The following NOTCH4 variants were observed in gnomAD, a reference collection of about 807,000 sequenced individuals.
The protein encoded by NOTCH4 is notch receptor 4, also known as neurogenic locus notch homolog protein 4.
In NOTCH4, 138 loss-of-function variants were observed where a neutral mutation model predicts 189.0. That is an observed-to-expected ratio of 0.73 (90% confidence interval 0.64 to 0.84). The LOEUF is 0.84. Ranked by LOEUF, NOTCH4 falls within the 40% of genes least tolerant of loss-of-function variation. The pLI, the probability that NOTCH4 is intolerant of heterozygous loss-of-function variation, is 0.00. For missense variants in NOTCH4, 2,286 were observed against 2,605.4 expected (o/e 0.88, Z 2.67); for synonymous variants, 942 against 1,032.8 (o/e 0.91, Z 1.69).
At chr6:32,214,081 G>A (rs1322598914) in intron 13 of NOTCH4, 29 bp downstream of exon 13, 1 of 1,591,582 alleles carries the variant, frequency 6.3e-7, no homozygotes, top group African/African-American at 1.4e-5. Context: ...GACCAGCACA[G>A]GGTGTATATG....
rs1561914444 is a variant in NOTCH4 at position 32,198,504 on chromosome 6, C to T, written c.4673G>A (p.Cys1558Tyr). Residue 1558 changes from cysteine to tyrosine, a missense_variant, in exon 26 of 30, where the codon TGT (cysteine) becomes TAT (tyrosine). Coordinates refer to ENST00000375023, the MANE Select transcript of NOTCH4 (RefSeq NM_004557.4). The surrounding 1 kb of genome is among the most constrained non-coding windows in gnomAD (Gnocchi z 5.5). The stretch of plus-strand genomic sequence containing the variant: ...CATGGCTGCCTGAGGGAGCGCCCCA[C>T]AGCCACCACTCAGAGACCAGAGCTG... ...TCQLWSLSGG[C>Y]GALPQAAMLT... The T allele has an allele frequency of 6.2e-7, 1 of 1,612,872 alleles. No homozygotes were observed. Among genetic ancestry groups the T allele is most frequent in the Non-Finnish European group, 8.5e-7 (1 of 1,180,014 alleles).
intron 18 of NOTCH4, among the ~76,000 whole-genome samples, chr6:32,207,119 G>T (rs1378757528): frequency 2.0e-5 from 3 of 150,892 alleles, no homozygotes; most frequent in African/African-American, 7.3e-5. Context: ...TAGTAGAGAC[G>T]GGGGTTTCAC....
Position 32,222,752 on chromosome 6 carries a change from G to T in NOTCH4, c.210C>A (p.Asn70Lys). The change falls in exon 3 of 30, where the codon AAC becomes AAA. Residue 70 changes from asparagine to lysine, a missense_variant. Around this residue, in one of 2 missense-constraint regions of NOTCH4, gnomAD observed 1,903 missense variants for 2,261.9 expected, o/e 0.84. Transcript: ENST00000375023. ...ETCQFPDPCQ[N>K]AQLCQNGGSC... ...TGCCTCCATTTTGGCAGAGCTGGGC[G>T]TTCTGGCAGGGGTCAGGAAACTGGC... 2.5e-6 allele frequency: 4 copies of T among 1,612,484 alleles called. No homozygotes were observed. Among genetic ancestry groups the T allele is most frequent in the South Asian group, 1.1e-5 (1 of 90,948 alleles).
At chr6:32,219,178 A>G (rs1433642299) in intron 8 of NOTCH4, among the ~76,000 whole-genome samples, 1 of 151,764 alleles carries the variant, frequency 6.6e-6, no homozygotes, top group Non-Finnish European at 1.5e-5. Flanking sequence ...GGCTTTTGGG[A>G]TTTTAAGGGA....
chr6:32,213,871 GT>G, intron 13 of NOTCH4, 31 bp from the exon 14 acceptor site: 3 of 1,608,922 alleles, frequency 1.9e-6, no homozygotes, highest in Non-Finnish European at 2.5e-6. Context: ...CTGAGAAAGG[GT>G]GTCCTCCTTC....
intron 19 of NOTCH4, 69 bp from the exon 20 acceptor site, chr6:32,203,951 G>A (rs1046940617): frequency 1.4e-6 from 2 of 1,477,712 alleles, no homozygotes; most frequent in Admixed American, 4.0e-5. Context: ...GCTCATTCCT[G>A]GATGTTGGCC....
intron 11 of NOTCH4, 40 bp downstream of exon 11, chr6:32,216,905 A>C: frequency 6.2e-7 from 1 of 1,612,392 alleles, no homozygotes; most frequent in Non-Finnish European, 8.5e-7. Context: ...AAATGGAATA[A>C]AATATTCTGC....
chr6:32,213,696 C>T lies in NOTCH4; in HGVS notation c.2312G>A (p.Cys771Tyr), dbSNP rs1372906994. The change falls in exon 14 of 30, where the codon TGT (cysteine) becomes TAT (tyrosine). Residue 771 changes from cysteine to tyrosine, a missense_variant. This residue lies in a region of NOTCH4 where 1,903 missense variants were observed against 2,261.9 expected (regional missense o/e 0.84). Coordinates refer to ENST00000375023, the MANE Select transcript of NOTCH4 (RefSeq NM_004557.4). ...ACACAGTGGGCACTCACCAGACACA[C>T]AGTAGTCAGTGCTGGTTTGGCACTG... ...GPQCQTSTDYCVSAPCFNGGT... is the reference protein window; with the variant it reads ...GPQCQTSTDYYVSAPCFNGGT... 2.5e-6 allele frequency: 4 copies of T among 1,612,778 alleles called. No individual in the cohort carries two copies. The East Asian group carries it at 6.7e-5, about 27-fold the overall frequency.
In NOTCH4 at chr6:32,199,032, C is replaced by T. The variant is rs1209416610; in HGVS notation, c.4429G>A (p.Glu1477Lys). The T allele has an allele frequency of 2.5e-6, 4 of 1,612,768 alleles. No individual in the cohort carries two copies. The highest frequency in any genetic ancestry group is 3.4e-6 in the Non-Finnish European group (4 of 1,179,954). The change falls in exon 24 of 30, where the codon GAG (glutamate) becomes AAG (lysine). Residue 1477 changes from glutamate to lysine, a missense_variant. Physicochemically the swap from Glu to Lys is moderately conservative, Grantham distance 56. Around this residue, in one of 2 missense-constraint regions of NOTCH4, gnomAD observed 1,903 missense variants for 2,261.9 expected, o/e 0.84. Coordinates refer to ENST00000375023, the MANE Select transcript of NOTCH4 (RefSeq NM_004557.4). The surrounding 1 kb of genome is among the most constrained non-coding windows in gnomAD (Gnocchi z 4.9). Reference protein sequence around the residue: ...VLQLIRRRRREHGALWLPPGF... With the variant: ...VLQLIRRRRRKHGALWLPPGF... ...GGGGGCAGCCAGAGAGCTCCATGCT[C>T]TCGGCGTCGACGCCGGATGAGCTGG...
At chr6:32,219,273 G>T (rs964054895) in intron 8 of NOTCH4, among the ~76,000 whole-genome samples, 5 of 152,196 alleles carry the variant, frequency 3.3e-5, no homozygotes, top group African/African-American at 1.2e-4. Flanking sequence ...AGCACAGAAA[G>T]TTTATGAACT....
chr6:32,202,616 A>C lies in NOTCH4; in HGVS notation c.3232-17T>G, dbSNP rs180989399. The C allele has an allele frequency of 6.4e-7, 1 of 1,552,696 alleles. No homozygotes were observed. Among genetic ancestry groups the C allele is most frequent in the Non-Finnish European group, 8.7e-7 (1 of 1,146,606 alleles). On this transcript the variant is annotated splice_polypyrimidine_tract_variant and intron_variant, in intron 20 of 29. Transcript: ENST00000375023. This position sits in a 1 kb window ranked among gnomAD's most constrained non-coding sequence, Gnocchi z 5.7. ...TTCAAAACCCTGTGGAGGGGAGGGG[A>C]GATATTGGAGATGCAACTTGCATTA... is the stretch of plus-strand genomic sequence containing the variant.
intron 11 of NOTCH4, 53 bp downstream of exon 11, chr6:32,216,892 C>A: frequency 6.2e-7 from 1 of 1,608,634 alleles, no homozygotes; most frequent in Non-Finnish European, 8.5e-7. Flanking sequence ...TCTGCCCCAA[C>A]CCAAATGGAA....
In NOTCH4 at chr6:32,197,511, C is replaced by T; in HGVS notation, c.4840G>A (p.Glu1614Lys). ...CCATCCAGCAGAGGTTCCCAGGGCT[C>T]AGGACATCCCAACCATGCCCCTTGG... ...TFQGAWLGCP[E>K]PWEPLLDGGA... is the part of the protein sequence containing the mutation. Residue 1614 changes from glutamate (E) to lysine (K), a missense_variant, in exon 27 of 30, where the codon GAG becomes AAG. Coordinates refer to ENST00000375023, the MANE Select transcript of NOTCH4 (RefSeq NM_004557.4). 1 of 1,610,532 alleles carries T rather than the reference C, an allele frequency of 6.2e-7. No individual in the cohort carries two copies. The highest frequency in any genetic ancestry group is 8.5e-7 in the Non-Finnish European group (1 of 1,178,204).
rs752907370 is a variant in NOTCH4 at position 32,195,747 on chromosome 6, G to A, written c.5702C>T (p.Ser1901Leu). Residue 1901 changes from serine to leucine, a missense_variant, in exon 30 of 30, where the codon TCG becomes TTG. Ser to Leu is a moderately radical substitution (Grantham distance 145, BLOSUM62 -2). Transcript: ENST00000375023. The surrounding 1 kb of genome is among the most constrained non-coding windows in gnomAD (Gnocchi z 5.4). ...CGGGCCTCCTCCTGCTCCTACTCCCGAGAGGCTCCGGCAATGAGAATAGGC... is the reference window on the plus strand; with the variant it reads ...CGGGCCTCCTCCTGCTCCTACTCCCAAGAGGCTCCGGCAATGAGAATAGGC... ...GGAYSHCRSL[S>L]GVGAGGGPTP... 2 of 1,612,160 alleles carry A rather than the reference G, an allele frequency of 1.2e-6. No homozygotes were observed. Among genetic ancestry groups the A allele is most frequent in the Non-Finnish European group, 1.7e-6 (2 of 1,179,860 alleles).
At chr6:32,220,079 C>A in intron 7 of NOTCH4, 50 bp downstream of exon 7, 2 of 1,582,302 alleles carry the variant, frequency 1.3e-6, no homozygotes, top group South Asian at 2.3e-5. Flanking sequence ...GTCTTCAGTG[C>A]AGAGGCCTGT....
chr6:32,219,839 G>A, intron 7 of NOTCH4, 53 bp from the exon 8 acceptor site: 10 of 1,462,516 alleles, frequency 6.8e-6, no homozygotes, highest in Non-Finnish European at 7.5e-6. Flanking sequence ...GGAAGGGCAA[G>A]GAGGTGAGAC....
At chr6:32,204,973 A>G (rs573419589) in intron 18 of NOTCH4, among the ~76,000 whole-genome samples, 1 of 152,302 alleles carries the variant, frequency 6.6e-6, no homozygotes, top group East Asian at 1.9e-4. Flanking sequence ...TCAAATAGCT[A>G]TAGGTGGCAG....
intron 18 of NOTCH4, among the ~76,000 whole-genome samples, chr6:32,205,547 CA>C (rs9281672): frequency 4.2e-3 from 221 of 52,140 alleles, no homozygotes; most frequent in Non-Finnish European, 5.3e-3. Flanking sequence ...GATGCTGTCT[CA>C]AAAAAAAAAA....
intron 19 of NOTCH4, 35 bp downstream of exon 19, chr6:32,204,102 C>T: frequency 6.2e-7 from 1 of 1,607,530 alleles, no homozygotes; most frequent in Non-Finnish European, 8.5e-7. Context: ...GGCTGTGCTC[C>T]AGACACACTT....
Sources: gnomAD v4.1 joint callset for allele counts (sites outside exome capture counted in the v4.1 genomes callset) on GRCh38, gnomAD v4.1.1 for gene constraint, gnomAD v4.1.1 regional missense constraint, Gnocchi (gnomAD v3.1) non-coding constraint, MANE v1.5 for transcripts, NCBI Gene and HGNC (gene_info 2026-07-23, HGNC 2026-07-21) for gene names.